MRPS25: variants seen among roughly 807,000 people sequenced by gnomAD.
The protein encoded by MRPS25 is mitochondrial ribosomal protein S25.
A neutral mutation model predicts 17.3 loss-of-function variants in MRPS25; 15 were observed. That is an observed-to-expected ratio of 0.87 (90% CI 0.58 to 1.34). The LOEUF (loss-of-function observed/expected upper bound fraction) is 1.34, where lower values mean the gene tolerates loss of function less well. MRPS25 is among the 40% of genes most tolerant of loss of function. The pLI is 0.00. For synonymous variants in MRPS25, 94 were observed against 83.3 expected (o/e 1.13, Z -0.70); for missense variants, 225 against 218.6 (o/e 1.03, Z -0.19).
rs1411322540 is a variant in MRPS25 at position 15,052,483 on chromosome 3, C to T, written c.480G>A (p.Arg160=). 6.2e-7 allele frequency: 1 copy of T among 1,614,060 alleles called. No individual in the cohort carries two copies. Among genetic ancestry groups the T allele is most frequent in the Non-Finnish European group, 8.5e-7 (1 of 1,180,034 alleles). ...CTTTCAGAGCGGCTTTGTACTTCCC[C>T]CTCATCTCCTTGGGTAATGGCACCA... ...PSLVPLPKEM[R]GKYKAALKAD... The change falls in exon 4 of 4, where the codon AGG becomes AGA. Residue 160 remains arginine (R), a synonymous_variant. Coordinates refer to ENST00000253686, the MANE Select transcript of MRPS25 (RefSeq NM_022497.5).
chr3:15,063,216 G>A (rs2042803917), intron 1 of MRPS25, among the ~76,000 whole-genome samples: 1 of 152,140 alleles, frequency 6.6e-6, no homozygotes, highest in Non-Finnish European at 1.5e-5. Context: ...GGTCTAACTG[G>A]GCTGATTAGT....
At position 15,050,158 on chromosome 3, in the gene MRPS25, C is replaced by G; in HGVS notation, c.*2283G>C. On this transcript the variant is annotated 3_prime_UTR_variant, in exon 4 of 4. Coordinates refer to ENST00000253686, the MANE Select transcript of MRPS25 (RefSeq NM_022497.5). ...CCAGGATCAAGTAGCCTACAGGGAA[C>G]AAAAAAAGAAAATAATGTTTATTTC... is the stretch of plus-strand genomic sequence containing the variant. The G allele has an allele frequency of 7.6e-7, 1 of 1,307,386 alleles. No individual in the cohort carries two copies. The highest frequency in any genetic ancestry group is 9.7e-7 in the Non-Finnish European group (1 of 1,035,344). The allele number at this position is 1,307,386 out of a possible 1,614,324, so 81.0% of individuals were successfully genotyped here. A position where few individuals can be genotyped will look rare whatever the true frequency, so the allele number is the denominator to read the frequency against.
intron 1 of MRPS25, among the ~76,000 whole-genome samples, chr3:15,059,735 T>C (rs1399832462): frequency 6.6e-6 from 1 of 152,090 alleles, no homozygotes; most frequent in Non-Finnish European, 1.5e-5. Flanking sequence ...AAAGCACCAC[T>C]GAAAATGAAA....
At chr3:15,064,607 C>T (rs981338263) in intron 1 of MRPS25, among the ~76,000 whole-genome samples, 1 of 152,216 alleles carries the variant, frequency 6.6e-6, no homozygotes, top group African/African-American at 2.4e-5. Context: ...AAAAAGAAAG[C>T]GCGAGAAGCA....
At chr3:15,064,904 C>T (rs923056073) in intron 1 of MRPS25, among the ~76,000 whole-genome samples, 157 bp downstream of exon 1, 1 of 152,208 alleles carries the variant, frequency 6.6e-6, no homozygotes, top group Non-Finnish European at 1.5e-5. Flanking sequence ...CCGTCCGCCT[C>T]AGTCTGGACC....
rs1163963851 is a variant in MRPS25, at chr3:15,053,417, TCTC to T, written c.289_291del (p.Glu97del). 2 of 1,614,064 alleles carry T rather than the reference TCTC, an allele frequency of 1.2e-6. No individual in the cohort carries two copies. Among genetic ancestry groups the T allele is most frequent in the Non-Finnish European group, 1.7e-6 (2 of 1,180,010 alleles). On this transcript the variant is annotated inframe_deletion, in exon 3 of 4. Transcript: ENST00000253686. ...AAGATTTTTCTGATGTGCTCCATGATCTCCTTATTGCTCTTGGTCTCCACATCC... is the reference window on the plus strand; with the variant it reads ...AAGATTTTTCTGATGTGCTCCATGATCTTATTGCTCTTGGTCTCCACATCC...
chr3:15,044,112 A>T (rs1202436707), downstream of MRPS25: 1 of 152,244 alleles, frequency 6.6e-6, no homozygotes, highest in Admixed American at 6.5e-5. Context: ...CAGCTCCATC[A>T]TAACTGTGAG....
At chr3:15,058,552 G>A (rs115929241) in intron 2 of MRPS25, among the ~76,000 whole-genome samples, 43 of 152,278 alleles carry the variant, frequency 2.8e-4, no homozygotes, top group African/African-American at 9.9e-4. Flanking sequence ...TCTCCACGAG[G>A]GCAGCAGAAA....
At chr3:15,057,909 G>A (rs1272129130) in intron 2 of MRPS25, among the ~76,000 whole-genome samples, 1 of 152,162 alleles carries the variant, frequency 6.6e-6, no homozygotes, top group Non-Finnish European at 1.5e-5. Flanking sequence ...TTATTAGACA[G>A]TGTCTCACTC....
At chr3:15,064,769 G>A (rs1008101685) in intron 1 of MRPS25, among the ~76,000 whole-genome samples, 1 of 152,260 alleles carries the variant, frequency 6.6e-6, no homozygotes, top group African/African-American at 2.4e-5. Context: ...GGGGCCAAGG[G>A]AACTGGTGGC....
At chr3:15,064,923 A>T in intron 1 of MRPS25, 138 bp downstream of exon 1, 2 of 1,101,012 alleles carry the variant, frequency 1.8e-6, no homozygotes, top group South Asian at 3.1e-5. Flanking sequence ...CCTCTGTAAA[A>T]TGGGGGTAAC....
rs1193098949 is a variant in MRPS25, at chr3:15,065,150, A to G, written c.45T>C (p.Tyr15=). 2 of 1,609,156 alleles carry G rather than the reference A, an allele frequency of 1.2e-6. No individual in the cohort carries two copies. Among genetic ancestry groups the G allele is most frequent in the Middle Eastern group, 1.7e-4 (1 of 6,054 alleles). The change falls in exon 1 of 4, where the codon TAT becomes TAC. Residue 15 remains tyrosine, a synonymous_variant. Transcript: ENST00000253686. ...GRFPIRRTLQ[Y]LSQGNVVFKD... ...TGAACACCACGTTCCCCTGGCTCAGATATTGCAGGGTGCGGCGGATGGGGA... is the reference window on the plus strand; with the variant it reads ...TGAACACCACGTTCCCCTGGCTCAGGTATTGCAGGGTGCGGCGGATGGGGA...
downstream of MRPS25, chr3:15,044,972 T>A (rs2042400676): frequency 1.3e-5 from 2 of 152,250 alleles, no homozygotes; most frequent in Admixed American, 6.5e-5. Flanking sequence ...TGGAGAGTAG[T>A]GGGAGTGGCC....
At position 15,049,985 on chromosome 3, in the gene MRPS25, T is replaced by TTG. The variant is rs780561108; in HGVS notation, c.*2454_*2455dup. On this transcript the variant is annotated 3_prime_UTR_variant, in exon 4 of 4. Coordinates refer to ENST00000253686, the MANE Select transcript of MRPS25 (RefSeq NM_022497.5). ...TTCAGAATAAGGCTGTGAACACTGC[T>TTG]TGTGCAAGTAAAATTAAGAACATGT... is the stretch of plus-strand genomic sequence containing the variant. 6.8e-6 allele frequency: 10 copies of TTG among 1,477,042 alleles called. No homozygotes were observed. The highest frequency in any genetic ancestry group is 1.7e-4 in the Middle Eastern group (1 of 5,878). 91.5% of individuals were successfully genotyped at this position (1,477,042 alleles called of 1,614,324 possible). A position where few individuals can be genotyped will look rare whatever the true frequency, so the allele number is the denominator to read the frequency against.
chr3:15,063,121 T>C (rs1313857815), intron 1 of MRPS25, among the ~76,000 whole-genome samples: 1 of 151,988 alleles, frequency 6.6e-6, no homozygotes, highest in East Asian at 1.9e-4. Context: ...CCAGACACTT[T>C]GCTAGGCACC....
At chr3:15,052,737 G>A in intron 3 of MRPS25, 104 bp from the exon 4 acceptor site, 1 of 1,203,478 alleles carries the variant, frequency 8.3e-7, no homozygotes, top group Non-Finnish European at 1.2e-6. Context: ...GGGACACCTG[G>A]ATCTCCTGCC....
chr3:15,044,614 C>A (rs2042386296), downstream of MRPS25: 1 of 152,222 alleles, frequency 6.6e-6, no homozygotes, highest in Non-Finnish European at 1.5e-5. Context: ...AGAAAATACA[C>A]CCTGTTGGGT....
At chr3:15,056,710 T>G (rs2042677841) in intron 2 of MRPS25, among the ~76,000 whole-genome samples, 1 of 152,268 alleles carries the variant, frequency 6.6e-6, no homozygotes, top group Non-Finnish European at 1.5e-5. Flanking sequence ...AGGGCTCTGC[T>G]GACACTGGTT....
chr3:15,063,849 A>T (rs894125172), intron 1 of MRPS25, among the ~76,000 whole-genome samples: 2 of 151,874 alleles, frequency 1.3e-5, no homozygotes, highest in African/African-American at 4.8e-5. Context: ...CCTTCCCATT[A>T]TCTGCCTGGC....
Sources: gnomAD v4.1 joint callset for allele counts (sites outside exome capture counted in the v4.1 genomes callset) on GRCh38, gnomAD v4.1.1 for gene constraint, MANE v1.5 for transcripts, NCBI Gene and HGNC (gene_info 2026-07-23, HGNC 2026-07-21) for gene names.